LIN7B: variants seen among roughly 807,000 people sequenced by gnomAD.
LIN7B encodes protein lin-7 homolog B.
LIN7B carries 16 observed loss-of-function variants against 27.9 expected under a neutral mutation model. The ratio of observed to expected loss-of-function variants is 0.57; its 90% CI spans 0.39 to 0.87. The LOEUF is 0.87. Among genes scored for constraint, LIN7B ranks in the 40% least tolerant of loss-of-function variants. The pLI, the probability that LIN7B is intolerant of heterozygous loss-of-function variation, is 0.00. For missense variants in LIN7B, 291 were observed against 288.5 expected, an observed-to-expected ratio of 1.01 and a Z score of -0.06; for synonymous variants, 147 against 120.8, an observed-to-expected ratio of 1.22 and a Z score of -1.42.
At chr19:49,118,199 C>G in intron 5 of LIN7B, 153 bp from the exon 6 acceptor site, 1 of 1,307,266 alleles carries the variant, frequency 7.6e-7, no homozygotes. Context: ...CTGGGGAGCC[C>G]TTAGCTTCCT....
At chr19:49,118,190 T>C in intron 5 of LIN7B, 162 bp from the exon 6 acceptor site, 3 of 1,325,042 alleles carry the variant, frequency 2.3e-6, no homozygotes, top group South Asian at 2.6e-5. Context: ...CCAAATCCCC[T>C]GGGGAGCCCT....
Position 49,114,942 on chromosome 19 carries a change from G to A in LIN7B, c.131G>A (p.Ser44Asn), listed in dbSNP as rs1271459231. 2.1e-6 allele frequency: 3 copies of A among 1,446,142 alleles called. No individual in the cohort carries two copies. Among genetic ancestry groups the A allele is most frequent in the Non-Finnish European group, 2.7e-6 (3 of 1,101,140 alleles). 89.6% of individuals were successfully genotyped at this position (1,446,142 alleles called of 1,614,324 possible). ...CAGGCCCTCCAGCGAGTTCTGCAGA[G>A]CCGCTTCTGCTCCGCTATCCGAGAG... ...KLQALQRVLQ[S>N]RFCSAIREVY... The change falls in exon 2 of 6, where the codon AGC (serine) becomes AAC (asparagine). Residue 44 changes from serine (S) to asparagine (N), a missense_variant. Coordinates refer to ENST00000221459, the MANE Select transcript of LIN7B (RefSeq NM_022165.3).
chr19:49,114,549 G>C, intron 1 of LIN7B, 108 bp downstream of exon 1: 1 of 894,842 alleles, frequency 1.1e-6, no homozygotes, highest in Non-Finnish European at 1.5e-6. Flanking sequence ...CAGCGGACCC[G>C]GAGGGGGTGG....
At chr19:49,114,610 G>C (rs1488561951) in intron 1 of LIN7B, 169 bp downstream of exon 1, 3 of 511,032 alleles carry the variant, frequency 5.9e-6, no homozygotes, top group Non-Finnish European at 9.0e-6. Context: ...AGGCTCCCTG[G>C]GCGCGGGCCG....
chr19:49,117,861 G>T lies in LIN7B; in HGVS notation c.445G>T (p.Glu149Ter). Residue 149 changes from glutamate to a stop codon, truncating the protein, a stop_gained, in exon 5 of 6, where the codon GAG becomes TAG. Transcript: ENST00000221459. LOFTEE classifies it high-confidence loss of function. ...QLLSVNGVSVEGEQHEKAVEL... is the reference protein window; with the variant it reads ...QLLSVNGVSV The stretch of plus-strand genomic sequence containing the variant: ...TCTGTGTTGGGCCCTGCAGAGCGTT[G>T]AGGGTGAGCAGCATGAGAAGGCGGT... The T allele has an allele frequency of 6.2e-7, 1 of 1,613,768 alleles. No homozygotes were observed. Among genetic ancestry groups the T allele is most frequent in the Non-Finnish European group, 8.5e-7 (1 of 1,179,876 alleles).
chr19:49,116,588 C>A, intron 4 of LIN7B, 116 bp downstream of exon 4: 1 of 968,678 alleles, frequency 1.0e-6, no homozygotes, highest in Non-Finnish European at 1.5e-6. Context: ...TAGCCCTGTG[C>A]TGGGCAATGT....
At chr19:49,117,533 GA>G (rs2122469538) in intron 4 of LIN7B, among the ~76,000 whole-genome samples, 1 of 152,302 alleles carries the variant, frequency 6.6e-6, no homozygotes, top group East Asian at 1.9e-4. Flanking sequence ...GACAAGGCCT[GA>G]GCTGGCCCAG....
chr19:49,117,415 C>T (rs1224079180), intron 4 of LIN7B, among the ~76,000 whole-genome samples: 1 of 152,022 alleles, frequency 6.6e-6, no homozygotes, highest in African/African-American at 2.4e-5. Context: ...ATAAACTCAG[C>T]TTGCAGGTGC....
In LIN7B at chr19:49,116,389, A is replaced by C. The variant is rs1489451015; in HGVS notation, c.355A>C (p.Ile119Leu). ...CAAAGAGCAAAACTCGCCCATCTAC[A>C]TCTCCCGGGTCATCCCAGGGGGTGT... ...GGKEQNSPIY[I>L]SRVIPGGVAD... The change falls in exon 4 of 6, where the codon ATC becomes CTC. Residue 119 changes from isoleucine to leucine, a missense_variant. Coordinates refer to ENST00000221459, the MANE Select transcript of LIN7B (RefSeq NM_022165.3). The C allele has an allele frequency of 6.2e-7, 1 of 1,614,218 alleles. No homozygotes were observed. Among genetic ancestry groups the C allele is most frequent in the Admixed American group, 1.7e-5 (1 of 60,026 alleles).
At chr19:49,114,743 T>G (rs1242092079) in intron 1 of LIN7B, 106 bp from the exon 2 acceptor site, 7 of 598,984 alleles carry the variant, frequency 1.2e-5, no homozygotes, top group Non-Finnish European at 1.8e-5. Flanking sequence ...GCTTCGGCCG[T>G]CCTCCCCGGA....
intron 3 of LIN7B, 189 bp from the exon 4 acceptor site, chr19:49,116,074 T>C: frequency 1.7e-6 from 1 of 572,100 alleles, no homozygotes; most frequent in Non-Finnish European, 3.1e-6. Flanking sequence ...AATGGACACT[T>C]TCTCTTGCAA....
chr19:49,114,911 A>G lies in LIN7B; in HGVS notation c.100A>G (p.Lys34Glu). ...LQRSGELPPQ[K>E]LQALQRVLQS... ...GCGCAGCGGGGAGCTGCCGCCGCAG[A>G]AGCTGCAGGCCCTCCAGCGAGTTCT... The change falls in exon 2 of 6, where the codon AAG becomes GAG. Residue 34 changes from lysine (K) to glutamate (E), a missense_variant. By Grantham distance (56) the Lys-to-Glu change is moderately conservative. Coordinates refer to ENST00000221459, the MANE Select transcript of LIN7B (RefSeq NM_022165.3). The G allele has an allele frequency of 6.8e-7, 1 of 1,472,608 alleles. No individual in the cohort carries two copies. 91.2% of individuals were successfully genotyped at this position (1,472,608 alleles called of 1,614,324 possible).
At position 49,118,393 on chromosome 19, in the gene LIN7B, C is replaced by G; in HGVS notation, c.*20C>G. On this transcript the variant is annotated 3_prime_UTR_variant, in exon 6 of 6. Transcript: ENST00000221459. ...GGTTGAAACCACAGATCTGGACGTT[C>G]ACGTGCACTCTCTTCCTGTACAGTA... 8 of 1,613,270 alleles carry G rather than the reference C, an allele frequency of 5.0e-6. No homozygotes were observed. Among genetic ancestry groups the G allele is most frequent in the Non-Finnish European group, 2.5e-6 (3 of 1,179,234 alleles).
At chr19:49,118,254 C>T in intron 5 of LIN7B, 98 bp from the exon 6 acceptor site, 1 of 1,433,878 alleles carries the variant, frequency 7.0e-7, no homozygotes, top group East Asian at 2.3e-5. Flanking sequence ...ATCCCTCAGC[C>T]CACTTACCTG....
chr19:49,116,005 A>G (rs1240136368), intron 3 of LIN7B: 2 of 397,004 alleles, frequency 5.0e-6, no homozygotes, highest in East Asian at 9.7e-5. Context: ...GTGAGACTTC[A>G]TCTCAAAAAA....
chr19:49,114,635 C>A (rs984477646), intron 1 of LIN7B, 194 bp downstream of exon 1: 1 of 465,962 alleles, frequency 2.1e-6, no homozygotes, highest in Non-Finnish European at 3.5e-6. Context: ...GCTGGGCGCC[C>A]GCCTTACAAC....
chr19:49,115,263 T>A lies in LIN7B; in HGVS notation c.160T>A (p.Tyr54Asn), dbSNP rs2040806987. ...ATGCCGCTGCCTCCTCACCCAGGTG[T>A]ATGAGCAGCTTTATGACACGCTGGA... Reference protein sequence around the residue: ...SRFCSAIREVYEQLYDTLDIT... With the variant: ...SRFCSAIREVNEQLYDTLDIT... The change falls in exon 3 of 6, where the codon TAT (tyrosine) becomes AAT (asparagine). Residue 54 changes from tyrosine (Y) to asparagine (N), a missense_variant. Physicochemically the swap from Tyr to Asn is moderately radical, Grantham distance 143. Transcript: ENST00000221459. 1.3e-6 allele frequency: 2 copies of A among 1,555,146 alleles called. No homozygotes were observed. The highest frequency in any genetic ancestry group is 4.8e-5 in the East Asian group (2 of 41,470).
Position 49,118,406 on chromosome 19 carries a change from T to C in LIN7B, c.*33T>C. ...GATCTGGACGTTCACGTGCACTCTCTTCCTGTACAGTATTTATTGTTCCTG... is the reference window on the plus strand; with the variant it reads ...GATCTGGACGTTCACGTGCACTCTCCTCCTGTACAGTATTTATTGTTCCTG... On this transcript the variant is annotated 3_prime_UTR_variant, in exon 6 of 6. Transcript: ENST00000221459. 6.2e-7 allele frequency: 1 copy of C among 1,611,784 alleles called. No individual in the cohort carries two copies. The highest frequency in any genetic ancestry group is 8.5e-7 in the Non-Finnish European group (1 of 1,177,846).
intron 4 of LIN7B, among the ~76,000 whole-genome samples, 177 bp from the exon 5 acceptor site, chr19:49,117,678 C>G (rs958122900): frequency 2.0e-5 from 3 of 152,120 alleles, no homozygotes; most frequent in Non-Finnish European, 2.9e-5. Flanking sequence ...CATGGGAATC[C>G]TGGGAGGTTT....
Sources: gnomAD v4.1 joint callset for allele counts (sites outside exome capture counted in the v4.1 genomes callset) on GRCh38, gnomAD v4.1.1 for gene constraint, MANE v1.5 for transcripts, NCBI Gene and HGNC (gene_info 2026-07-23, HGNC 2026-07-21) for gene names.